C14orf132: variants seen among roughly 807,000 people sequenced by gnomAD.
The protein encoded by C14orf132 is chromosome 14 open reading frame 132.
C14orf132 carries 6 observed loss-of-function variants against 5.8 expected under a neutral mutation model. That is an observed-to-expected ratio of 1.03 (90% CI 0.57 to 2.04). C14orf132 has a LOEUF of 2.04. C14orf132 is among the 30% of genes most tolerant of loss of function. The probability of loss-of-function intolerance (pLI) is 0.00; values close to 1 mark genes in which losing one functional copy is unlikely to be tolerated. For synonymous variants in C14orf132, 51 were observed against 49.8 expected (o/e 1.02, Z -0.10); for missense variants, 125 against 115.8 (o/e 1.08, Z -0.37).
At position 96,091,609 on chromosome 14, in the gene C14orf132, C is replaced by G. The variant is rs1346241754; in HGVS notation, c.*4874C>G. 2 of 154,686 alleles carry G rather than the reference C, an allele frequency of 1.3e-5. No homozygotes were observed. The highest frequency in any genetic ancestry group is 2.9e-5 in the Non-Finnish European group (2 of 69,824). 9.6% of individuals were successfully genotyped at this position (154,686 alleles called of 1,614,324 possible). A position where few individuals can be genotyped will look rare whatever the true frequency, so the allele number is the denominator to read the frequency against. On this transcript the variant is annotated 3_prime_UTR_variant, in exon 2 of 2. Transcript: ENST00000555004. Reference sequence around the variant, plus strand: ...CCTGGCAGATGCCCAGTGATTGTCCCCGAGCAAGTGCCAGGGTTGGGCTGA... The same window carrying G: ...CCTGGCAGATGCCCAGTGATTGTCCGCGAGCAAGTGCCAGGGTTGGGCTGA...
intron 1 of C14orf132, among the ~76,000 whole-genome samples, chr14:96,061,949 T>C (rs1349016296): frequency 1.3e-5 from 2 of 152,080 alleles, no homozygotes; most frequent in Non-Finnish European, 2.9e-5. Context: ...TAAACAAACA[T>C]CTCAACATAA....
Position 96,092,113 on chromosome 14 carries a change from G to A in C14orf132, c.*5378G>A, listed in dbSNP as rs564361321. On this transcript the variant is annotated 3_prime_UTR_variant, in exon 2 of 2. Coordinates refer to ENST00000555004, the MANE Select transcript of C14orf132 (RefSeq NM_001252507.3). ...GGACGCCATAAATTCTGAAATAAAA[G>A]TGTATGATGTGTTCTGAGTCACTGT... 1 of 152,302 alleles carries A rather than the reference G, an allele frequency of 6.6e-6. No homozygotes were observed. Among genetic ancestry groups the A allele is most frequent in the South Asian group, 2.1e-4 (1 of 4,826 alleles). 9.4% of individuals were successfully genotyped at this position (152,302 alleles called of 1,614,324 possible).
At chr14:96,068,173 C>T (rs1421218086) in intron 1 of C14orf132, among the ~76,000 whole-genome samples, 1 of 152,326 alleles carries the variant, frequency 6.6e-6, no homozygotes, top group South Asian at 2.1e-4. Flanking sequence ...CCTGCGTGGG[C>T]GAACAGCACA....
At chr14:96,080,214 G>A (rs1887989324) in intron 1 of C14orf132, among the ~76,000 whole-genome samples, 1 of 152,168 alleles carries the variant, frequency 6.6e-6, no homozygotes, top group Non-Finnish European at 1.5e-5. Context: ...CCACTCCCTA[G>A]TGTGTAAGGA....
Position 96,067,863 on chromosome 14 carries a change from GTGGCCAC to G in C14orf132, c.28-18646_28-18640del, listed in dbSNP as rs2139665973. 2.0e-5 allele frequency among the ~76,000 whole-genome samples: 3 copies of G among 152,196 alleles called. No individual in the cohort carries two copies. The East Asian group carries it at 5.8e-4, about 29-fold the overall frequency. On this transcript the variant is annotated intron_variant, in intron 1 of 1. Coordinates refer to ENST00000555004, the MANE Select transcript of C14orf132 (RefSeq NM_001252507.3). ...TCCTGCTCAATGTTAGCATATGCAG[GTGGCCAC>G]TTATAGGGGTTCCAGAGAGAGTTAT...
At chr14:96,066,554 G>A (rs762729974) in intron 1 of C14orf132, among the ~76,000 whole-genome samples, 40 of 152,054 alleles carry the variant, frequency 2.6e-4, no homozygotes, top group Non-Finnish European at 5.9e-4. Context: ...GTAGCTCAGT[G>A]CACAGCAATT....
intron 1 of C14orf132, among the ~76,000 whole-genome samples, chr14:96,056,437 G>A (rs8008822): frequency 0.66 from 100,692 of 152,042 alleles, 33,525 homozygotes; most frequent in East Asian, 0.89. Flanking sequence ...GCTGGGCTCC[G>A]CTGAGGAACT....
chr14:96,044,455 C>T (rs374402737), intron 1 of C14orf132, among the ~76,000 whole-genome samples: 125 of 152,342 alleles, frequency 8.2e-4, no homozygotes, highest in African/African-American at 2.7e-3. Flanking sequence ...GCTGGGATTA[C>T]AGGCATGAGC....
At chr14:96,073,617 CTG>C (rs1476932525) in intron 1 of C14orf132, among the ~76,000 whole-genome samples, 2 of 152,228 alleles carry the variant, frequency 1.3e-5, no homozygotes, top group Non-Finnish European at 2.9e-5. Flanking sequence ...TTTTGGAAGA[CTG>C]TGTGGCAGTT....
At chr14:96,067,138 C>T (rs1331940737) in intron 1 of C14orf132, among the ~76,000 whole-genome samples, 1 of 152,188 alleles carries the variant, frequency 6.6e-6, no homozygotes, top group Non-Finnish European at 1.5e-5. Context: ...CTGGGGTGCC[C>T]AGAAGGGGCT....
chr14:96,079,964 C>T (rs1012530913), intron 1 of C14orf132, among the ~76,000 whole-genome samples: 9 of 152,132 alleles, frequency 5.9e-5, no homozygotes, highest in African/African-American at 1.9e-4. Flanking sequence ...TAAGTATAGG[C>T]TGTGTGATAT....
Position 96,042,337 on chromosome 14 carries a change from G to A in C14orf132, c.27+2810G>A, listed in dbSNP as rs555006963. 6.8e-4 allele frequency among the ~76,000 whole-genome samples: 103 copies of A among 152,324 alleles called. 1 individual carries two copies. Among genetic ancestry groups the A allele is most frequent in the African/African-American group, 2.4e-3 (101 of 41,572 alleles). On this transcript the variant is annotated intron_variant, in intron 1 of 1. Coordinates refer to ENST00000555004, the MANE Select transcript of C14orf132 (RefSeq NM_001252507.3). Reference sequence around the variant, plus strand: ...GAGAAGTTTGCATCTAATCAGTAAGGCAGTGGGAGCCATTGCAAGTTATTG... The same window carrying A: ...GAGAAGTTTGCATCTAATCAGTAAGACAGTGGGAGCCATTGCAAGTTATTG...
At chr14:96,050,197 A>G (rs1229416969) in intron 1 of C14orf132, among the ~76,000 whole-genome samples, 1 of 152,192 alleles carries the variant, frequency 6.6e-6, no homozygotes, top group African/African-American at 2.4e-5. Flanking sequence ...GGTGTATGCT[A>G]GATATTTTTG....
chr14:96,044,672 C>G (rs917926441), intron 1 of C14orf132, among the ~76,000 whole-genome samples: 2 of 152,194 alleles, frequency 1.3e-5, no homozygotes, highest in Non-Finnish European at 2.9e-5. Flanking sequence ...GGGGTGGAAT[C>G]TGTTCCAGGC....
At position 96,072,243 on chromosome 14, in the gene C14orf132, C is replaced by T. The variant is rs570932335; in HGVS notation, c.28-14268C>T. Among the ~76,000 whole-genome samples, 10 of 152,304 alleles carry T rather than the reference C, an allele frequency of 6.6e-5. No individual in the cohort carries two copies. In the East Asian group the frequency reaches 7.7e-4, roughly 12 times the overall value. ...CTATGGGCTGAGGTCCACTGAGTCT[C>T]GATTTGCCAAGCACCTTTGTCATAT... On this transcript the variant is annotated intron_variant, in intron 1 of 1. Transcript: ENST00000555004.
chr14:96,087,963 C>G lies in C14orf132; in HGVS notation c.*1228C>G, dbSNP rs1307377407. 6.6e-6 allele frequency: 1 copy of G among 150,774 alleles called. No homozygotes were observed. Among genetic ancestry groups the G allele is most frequent in the African/African-American group, 2.5e-5 (1 of 40,762 alleles). The allele number at this position is 150,774 out of a possible 1,614,324, so 9.3% of individuals were successfully genotyped here. A position where few individuals can be genotyped will look rare whatever the true frequency, so the allele number is the denominator to read the frequency against. The stretch of plus-strand genomic sequence containing the variant: ...AGGAACCACCCCCACCCCCACCCCC[C>G]ACACCTTCCCAAGGCAGCATCCCAG... On this transcript the variant is annotated 3_prime_UTR_variant, in exon 2 of 2. Coordinates refer to ENST00000555004, the MANE Select transcript of C14orf132 (RefSeq NM_001252507.3).
At chr14:96,072,620 C>T (rs977356081) in intron 1 of C14orf132, among the ~76,000 whole-genome samples, 2 of 152,196 alleles carry the variant, frequency 1.3e-5, no homozygotes, top group Non-Finnish European at 2.9e-5. Flanking sequence ...AACTTTCCAT[C>T]ACTCCAAAAT....
chr14:96,047,490 T>G (rs549611427), intron 1 of C14orf132, among the ~76,000 whole-genome samples: 2 of 152,322 alleles, frequency 1.3e-5, no homozygotes, highest in East Asian at 3.9e-4. Flanking sequence ...CTCCTCACTG[T>G]GTCCCCTCAA....
intron 1 of C14orf132, among the ~76,000 whole-genome samples, chr14:96,072,872 A>C (rs1395908039): frequency 2.0e-5 from 3 of 152,202 alleles, no homozygotes; most frequent in African/African-American, 7.2e-5. Context: ...CAGTTTGCCC[A>C]TTTACCAGTT....
Sources: gnomAD v4.1 joint callset for allele counts (sites outside exome capture counted in the v4.1 genomes callset) on GRCh38, gnomAD v4.1.1 for gene constraint, MANE v1.5 for transcripts, NCBI Gene and HGNC (gene_info 2026-07-23, HGNC 2026-07-21) for gene names.